Variants in NAA20 observed in about 807,000 individuals in gnomAD.
The protein encoded by NAA20 is N-alpha-acetyltransferase 20, NatB catalytic subunit.
A neutral mutation model predicts 23.8 loss-of-function variants in NAA20; 24 were observed. That is an observed-to-expected ratio of 1.01 (90% CI 0.73 to 1.42). NAA20 has a LOEUF of 1.42. Ranked by LOEUF, NAA20 falls within the 40% of genes most tolerant of loss-of-function variation. The pLI, the probability that NAA20 is intolerant of heterozygous loss-of-function variation, is 0.00. For missense variants in NAA20, 166 were observed against 223.1 expected (o/e 0.74, Z 1.63); for synonymous variants, 83 against 77.7 (o/e 1.07, Z -0.36).
chr20:20,026,991 A>AAG, intron 4 of NAA20, 72 bp downstream of exon 4: 1 of 1,581,756 alleles, frequency 6.3e-7, no homozygotes, highest in Non-Finnish European at 8.7e-7. Flanking sequence ...TTCAGGCTGA[A>AAG]TAACTGTCAT....
chr20:20,030,361 A>G (rs942066652), intron 4 of NAA20, among the ~76,000 whole-genome samples: 5 of 152,248 alleles, frequency 3.3e-5, no homozygotes, highest in African/African-American at 1.2e-4. Flanking sequence ...AAAATCCAAT[A>G]TTCCTTCCTG....
chr20:20,033,119 T>G lies in NAA20; in HGVS notation c.469T>G (p.Ser157Ala), dbSNP rs761385034. ...CTTTACAGATATGAGGAAAGCACTT[T>G]CCAGGGATACTGAGAAGAAATCCAT... ...EDAYDMRKAL[S>A]RDTEKKSIIP... The change falls in exon 6 of 6, where the codon TCC becomes GCC. Residue 157 changes from serine to alanine, a missense_variant. Transcript: ENST00000334982. 2 of 1,613,336 alleles carry G rather than the reference T, an allele frequency of 1.2e-6. No homozygotes were observed. Among genetic ancestry groups the G allele is most frequent in the Non-Finnish European group, 1.7e-6 (2 of 1,179,340 alleles).
intron 2 of NAA20, chr20:20,022,708 C>T: frequency 2.3e-6 from 1 of 442,866 alleles, no homozygotes; most frequent in Non-Finnish European, 4.0e-6. Flanking sequence ...TCTGTAACAT[C>T]ATAGCTCCCC....
intron 2 of NAA20, among the ~76,000 whole-genome samples, chr20:20,023,033 C>T (rs1259838734): frequency 6.6e-6 from 1 of 152,164 alleles, no homozygotes; most frequent in Non-Finnish European, 1.5e-5. Flanking sequence ...GGCCTGTACT[C>T]CCAGCACTTT....
Position 20,032,626 on chromosome 20 carries a change from A to C in NAA20, c.424A>C (p.Asn142His). The C allele has an allele frequency of 1.2e-6, 2 of 1,606,420 alleles. No individual in the cohort carries two copies. Among genetic ancestry groups the C allele is most frequent in the Non-Finnish European group, 1.7e-6 (2 of 1,176,808 alleles). Residue 142 changes from asparagine (N) to histidine (H), a missense_variant, in exon 5 of 6, where the codon AAC (asparagine) becomes CAC (histidine). Transcript: ENST00000334982. ...RTVIEYYSASNGEPDEDAYDM... is the reference protein window; with the variant it reads ...RTVIEYYSASHGEPDEDAYDM... The stretch of plus-strand genomic sequence containing the variant: ...GGTCATAGAGTACTATTCGGCCAGC[A>C]ACGGGGAGCCTGATGAGGACGCTTA...
At position 20,033,091 on chromosome 20, in the gene NAA20, C is replaced by T. The variant is rs1337503306; in HGVS notation, c.452-11C>T. 1 of 1,599,854 alleles carries T rather than the reference C, an allele frequency of 6.3e-7. No homozygotes were observed. Among genetic ancestry groups the T allele is most frequent in the Non-Finnish European group, 8.6e-7 (1 of 1,167,484 alleles). On this transcript the variant is annotated splice_polypyrimidine_tract_variant and intron_variant, in intron 5 of 5. Coordinates refer to ENST00000334982, the MANE Select transcript of NAA20 (RefSeq NM_016100.5). The stretch of plus-strand genomic sequence containing the variant: ...TTTTGGGTGTTTATATTAAACTTTG[C>T]TTCTTTACAGATATGAGGAAAGCAC...
intron 1 of NAA20, chr20:20,017,934 T>C: frequency 6.2e-7 from 1 of 1,611,858 alleles, no homozygotes; most frequent in Admixed American, 1.7e-5. Flanking sequence ...TCAGCAGCTG[T>C]TGGGATGTGT....
Position 20,032,970 on chromosome 20 carries a change from TAA to T in NAA20, c.452-130_452-129del. 6.6e-6 allele frequency: 5 copies of T among 753,558 alleles called. No homozygotes were observed. The South Asian group carries it at 9.1e-5, about 14-fold the overall frequency. 46.7% of individuals were successfully genotyped at this position (753,558 alleles called of 1,614,324 possible). On this transcript the variant is annotated intron_variant, in intron 5 of 5. Coordinates refer to ENST00000334982, the MANE Select transcript of NAA20 (RefSeq NM_016100.5). ...ACACTTGGCAATTGGGAGACATTTATAAATACATTTTGCTTAGAATATGGTGA... is the reference window on the plus strand; with the variant it reads ...ACACTTGGCAATTGGGAGACATTTATATACATTTTGCTTAGAATATGGTGA...
rs936429508 is a variant in NAA20 at position 20,027,756 on chromosome 20, T to C, written c.305+837T>C. Among the ~76,000 whole-genome samples the C allele has an allele frequency of 3.9e-5, 6 of 152,156 alleles. No individual in the cohort carries two copies. The East Asian group carries it at 1.2e-3, about 29-fold the overall frequency. On this transcript the variant is annotated intron_variant, in intron 4 of 5. Coordinates refer to ENST00000334982, the MANE Select transcript of NAA20 (RefSeq NM_016100.5). ...TTGCGAACTGCCAGCATGGCATTTT[T>C]TTTTTTTTTTTTAAGGGACGTGTTG... is the stretch of plus-strand genomic sequence containing the variant.
chr20:20,018,640 A>G (rs2043247410), intron 1 of NAA20: 1 of 156,426 alleles, frequency 6.4e-6, no homozygotes, highest in Admixed American at 6.2e-5. Flanking sequence ...CTGAGCAGTC[A>G]GGAAGAAATG....
chr20:20,018,262 G>A, intron 1 of NAA20: 1 of 600,442 alleles, frequency 1.7e-6, no homozygotes, highest in Non-Finnish European at 2.9e-6. Context: ...ATTTAGAAAA[G>A]TTGGAGGAAT....
intron 4 of NAA20, among the ~76,000 whole-genome samples, chr20:20,029,292 G>A (rs1044697263): frequency 6.6e-6 from 1 of 151,790 alleles, no homozygotes; most frequent in African/African-American, 2.4e-5. Flanking sequence ...CATAAAAAAG[G>A]GTCACTGCAT....
chr20:20,017,729 G>T (rs1056810715), intron 1 of NAA20: 29 of 1,430,718 alleles, frequency 2.0e-5, no homozygotes, highest in Non-Finnish European at 2.6e-5. Flanking sequence ...GGCAGCGCTC[G>T]GGCCTCCGCT....
chr20:20,031,709 A>G (rs954666364), intron 4 of NAA20, among the ~76,000 whole-genome samples: 2 of 152,192 alleles, frequency 1.3e-5, no homozygotes, highest in Non-Finnish European at 2.9e-5. Context: ...GTAGCGGGGG[A>G]AAAATTGTAT....
At chr20:20,026,540 T>C (rs2043307750) in intron 3 of NAA20, among the ~76,000 whole-genome samples, 1 of 152,096 alleles carries the variant, frequency 6.6e-6, no homozygotes, top group Admixed American at 6.6e-5. Flanking sequence ...TAGTTGTGTT[T>C]TAAGTATATC....
Position 20,033,433 on chromosome 20 carries a change from A to C in NAA20, c.*246A>C. On this transcript the variant is annotated 3_prime_UTR_variant, in exon 6 of 6. Coordinates refer to ENST00000334982, the MANE Select transcript of NAA20 (RefSeq NM_016100.5). ...CAGCTAGGTCAGAAGGAAACATACC[A>C]CTCTCATGGTTCATAGTATTCACTG... 2.5e-6 allele frequency: 1 copy of C among 395,108 alleles called. No individual in the cohort carries two copies. Among genetic ancestry groups the C allele is most frequent in the Non-Finnish European group, 4.6e-6 (1 of 218,630 alleles). 24.5% of individuals were successfully genotyped at this position (395,108 alleles called of 1,614,324 possible). A position where few individuals can be genotyped will look rare whatever the true frequency, so the allele number is the denominator to read the frequency against.
intron 1 of NAA20, 85 bp downstream of exon 1, chr20:20,017,534 C>G (rs1470653046): frequency 4.0e-6 from 6 of 1,509,120 alleles, no homozygotes; most frequent in Admixed American, 2.1e-5. Context: ...CCGCGCCTTC[C>G]CGGCCGGACC....
rs370763228 is a variant in NAA20, at chr20:20,027,274, G to T, written c.305+355G>T. ...GGCATCTGAATAAATTTTTAGCAGT[G>T]CTCCTCGGCCAAAAGAAAATAGTTC... On this transcript the variant is annotated intron_variant, in intron 4 of 5. Coordinates refer to ENST00000334982, the MANE Select transcript of NAA20 (RefSeq NM_016100.5). Among the ~76,000 whole-genome samples, 6 of 152,232 alleles carry T rather than the reference G, an allele frequency of 3.9e-5. No individual in the cohort carries two copies. The East Asian group carries it at 1.2e-3, about 29-fold the overall frequency.
intron 4 of NAA20, 112 bp downstream of exon 4, chr20:20,027,031 C>T: frequency 2.2e-6 from 3 of 1,345,210 alleles, no homozygotes; most frequent in South Asian, 2.6e-5. Context: ...TTTCATCTTC[C>T]ATCTCCAGTA....
Sources: gnomAD v4.1 joint callset for allele counts (sites outside exome capture counted in the v4.1 genomes callset) on GRCh38, gnomAD v4.1.1 for gene constraint, MANE v1.5 for transcripts, NCBI Gene and HGNC (gene_info 2026-07-23, HGNC 2026-07-21) for gene names.